The following ASMTL variants were observed in gnomAD, a reference collection of about 807,000 sequenced individuals.
ASMTL encodes the protein acetylserotonin O-methyltransferase like.
In ASMTL, 57 loss-of-function variants were observed where a neutral mutation model predicts 60.3. The ratio of observed to expected loss-of-function variants is 0.95; its 90% CI spans 0.76 to 1.18. The LOEUF (loss-of-function observed/expected upper bound fraction) is 1.18. Ranked by LOEUF, ASMTL falls within the 50% of genes most tolerant of loss-of-function variation. ASMTL has a pLI of 0.00. For missense variants in ASMTL, 981 were observed against 852.6 expected (o/e 1.15, Z -1.88); for synonymous variants, 419 against 373.0 (o/e 1.12, Z -1.42).
chrX:1,445,899 C>T (rs189334011), intron 1 of ASMTL, among the ~76,000 whole-genome samples: 76 of 152,134 alleles, frequency 5.0e-4, no homozygotes, highest in African/African-American at 1.7e-3. Context: ...TATGCCCAGA[C>T]GGGGTCACCA....
At chrX:1,431,445 CAG>C (rs2090785308) in intron 6 of ASMTL, among the ~76,000 whole-genome samples, 2 of 134,676 alleles carry the variant, frequency 1.5e-5, no homozygotes, top group African/African-American at 5.5e-5. Flanking sequence ...TCTATTATAA[CAG>C]TATATATTAT....
chrX:1,426,695 G>A (rs1265114395), intron 7 of ASMTL, among the ~76,000 whole-genome samples: 1 of 152,164 alleles, frequency 6.6e-6, no homozygotes, highest in African/African-American at 2.4e-5. Context: ...TCTACTAAAA[G>A]TACAAAAATT....
chrX:1,414,266 T>G (rs1347095952), intron 11 of ASMTL, among the ~76,000 whole-genome samples: 1 of 152,114 alleles, frequency 6.6e-6, no homozygotes, highest in Non-Finnish European at 1.5e-5. Flanking sequence ...TGCCTTGATC[T>G]CAGACCTCCG....
rs1332452982 is a variant in ASMTL at position 1,407,275 on chromosome X, A to AGATG, written c.1646-3790_1646-3787dup. ...GGATGGATAGATGGATGCATGGATG[A>AGATG]GATGGATGGATGGCTGAATAGATGG... is the stretch of plus-strand genomic sequence containing the variant. On this transcript the variant is annotated intron_variant, in intron 12 of 12. Coordinates refer to ENST00000381317, the MANE Select transcript of ASMTL (RefSeq NM_004192.4). Among the ~76,000 whole-genome samples the AGATG allele has an allele frequency of 2.0e-5, 3 of 150,008 alleles. No individual in the cohort carries two copies. The East Asian group carries it at 5.9e-4, about 29-fold the overall frequency.
chrX:1,426,368 C>T (rs1330104270), intron 7 of ASMTL, among the ~76,000 whole-genome samples: 1 of 152,160 alleles, frequency 6.6e-6, no homozygotes, highest in Non-Finnish European at 1.5e-5. Flanking sequence ...TGCATGTTCT[C>T]TCTCCTGATG....
In ASMTL at chrX:1,403,404, C is replaced by T; in HGVS notation, c.1731G>A (p.Leu577=). The T allele has an allele frequency of 6.2e-7, 1 of 1,613,462 alleles. No individual in the cohort carries two copies. The highest frequency in any genetic ancestry group is 8.5e-7 in the Non-Finnish European group (1 of 1,179,856). Reference sequence around the variant, plus strand: ...TCCGCTCCTTGCCTTCAGTCTGCACCAGCATGTTCAGTGACTGCATCAGGG... The same window carrying T: ...TCCGCTCCTTGCCTTCAGTCTGCACTAGCATGTTCAGTGACTGCATCAGGG... ...QRALMQSLNM[L]VQTEGKERSL... is the part of the protein sequence containing the mutation. Residue 577 remains leucine, a synonymous_variant, in exon 13 of 13, where the codon CTG becomes CTA. Coordinates refer to ENST00000381317, the MANE Select transcript of ASMTL (RefSeq NM_004192.4).
chrX:1,442,157 A>C, intron 2 of ASMTL, 29 bp downstream of exon 2: 3 of 1,607,658 alleles, frequency 1.9e-6, no homozygotes, highest in Non-Finnish European at 2.5e-6. Context: ...AGGAATTTTC[A>C]TAAGGGCCGA....
At position 1,421,818 on chromosome X, in the gene ASMTL, T is replaced by C. The variant is rs770646479; in HGVS notation, c.1085A>G (p.Asn362Ser). 1.2e-5 allele frequency: 19 copies of C among 1,613,716 alleles called. No individual in the cohort carries two copies. Among genetic ancestry groups the C allele is most frequent in the Admixed American group, 1.2e-4 (7 of 59,966 alleles). ...EQGYSNTETA[N>S]VYLASDGEYS... ...TTCGCCATCCGATGCCAGGTAGACG[T>C]TCGCTGTCTCTGTGTTACTGTAACC... The change falls in exon 9 of 13, where the codon AAC becomes AGC. Residue 362 changes from asparagine to serine, a missense_variant. Coordinates refer to ENST00000381317, the MANE Select transcript of ASMTL (RefSeq NM_004192.4).
chrX:1,424,344 C>T (rs1200278346), intron 8 of ASMTL, among the ~76,000 whole-genome samples: 2 of 104,988 alleles, frequency 1.9e-5, no homozygotes, highest in Non-Finnish European at 4.3e-5. Context: ...ACCCAACCAC[C>T]GATCCACTGA....
chrX:1,415,181 T>G (rs370566290), intron 11 of ASMTL, among the ~76,000 whole-genome samples: 1 of 31,706 alleles, frequency 3.2e-5, no homozygotes, highest in Admixed American at 3.5e-4. Context: ...CCTCAGGTGA[T>G]CCACCCGCCT....
At chrX:1,444,909 A>C (rs1271580938) in intron 1 of ASMTL, among the ~76,000 whole-genome samples, 5 of 152,176 alleles carry the variant, frequency 3.3e-5, no homozygotes, top group Non-Finnish European at 5.9e-5. Flanking sequence ...CTCAGGTCTC[A>C]GAAATCCACC....
chrX:1,415,966 CACTG>C (rs1249484196), intron 11 of ASMTL, among the ~76,000 whole-genome samples: 1 of 151,898 alleles, frequency 6.6e-6, no homozygotes, highest in Non-Finnish European at 1.5e-5. Context: ...GACACAGATA[CACTG>C]ACAGGTACAC....
At chrX:1,415,279 C>T (rs1369716733) in intron 11 of ASMTL, among the ~76,000 whole-genome samples, 2 of 151,772 alleles carry the variant, frequency 1.3e-5, no homozygotes, top group Non-Finnish European at 2.9e-5. Context: ...TCCTTCAAGT[C>T]TAACCTAAGG....
chrX:1,416,464 C>CAT (rs2090270121), intron 11 of ASMTL, among the ~76,000 whole-genome samples: 1 of 151,332 alleles, frequency 6.6e-6, no homozygotes, highest in African/African-American at 2.4e-5. Context: ...GATGGACACG[C>CAT]AGACACACAT....
chrX:1,425,053 CATCCATCT>C (rs1434258987), intron 8 of ASMTL, among the ~76,000 whole-genome samples: 16 of 150,174 alleles, frequency 1.1e-4, no homozygotes, highest in African/African-American at 3.7e-4. Flanking sequence ...ACCATCCATC[CATCCATCT>C]ATCCATCCAT....
intron 3 of ASMTL, among the ~76,000 whole-genome samples, chrX:1,437,945 G>A (rs1292705058): frequency 6.6e-6 from 1 of 151,156 alleles, no homozygotes; most frequent in Non-Finnish European, 1.5e-5. Flanking sequence ...ATTAAGATGC[G>A]GTTGGACAGA....
At position 1,428,107 on chromosome X, in the gene ASMTL, C is replaced by T. The variant is rs375620107; in HGVS notation, c.524G>A (p.Gly175Asp). ...GCCGCCCAGGGCCTGGATCCCGTAG[C>T]CGCCAGCTTTGTCCCTGGGTGGGCA... ...HSGEPMDKAGGYGIQALGGML... is the reference protein window; with the variant it reads ...HSGEPMDKAGDYGIQALGGML... The change falls in exon 7 of 13, where the codon GGC becomes GAC. Residue 175 changes from glycine to aspartate, a missense_variant. Physicochemically the swap from Gly to Asp is moderately conservative, Grantham distance 94. Transcript: ENST00000381317. 2.2e-5 allele frequency: 36 copies of T among 1,604,360 alleles called. No individual in the cohort carries two copies. Among genetic ancestry groups the T allele is most frequent in the Non-Finnish European group, 2.9e-5 (34 of 1,172,600 alleles).
intron 12 of ASMTL, among the ~76,000 whole-genome samples, chrX:1,408,076 TGG>T (rs1375926680): frequency 1.6e-4 from 24 of 151,246 alleles, no homozygotes; most frequent in African/African-American, 5.6e-4. Flanking sequence ...TAACAAATGC[TGG>T]TACTCCCAAA....
rs536802259 is a variant in ASMTL at position 1,421,717 on chromosome X, G to A, written c.1186C>T (p.Arg396Ter). The A allele has an allele frequency of 1.7e-5, 27 of 1,613,830 alleles. No individual in the cohort carries two copies. Among genetic ancestry groups the A allele is most frequent in the East Asian group, 4.5e-5 (2 of 44,872 alleles). ...CTGTGGTGCTGGTTTGTTCCCTCTC[G>A]GATGGCAAACTCCAGGTATGTAAAG... ...NLFTYLEFAI[R>*]EGTNQHHRAL... Residue 396 changes from arginine (R) to a stop codon, truncating the protein, a stop_gained, in exon 9 of 13, where the codon CGA becomes TGA. Transcript: ENST00000381317. LOFTEE classifies it high-confidence loss of function.
Sources: gnomAD v4.1 joint callset for allele counts (sites outside exome capture counted in the v4.1 genomes callset) on GRCh38, gnomAD v4.1.1 for gene constraint, MANE v1.5 for transcripts, NCBI Gene and HGNC (gene_info 2026-07-23, HGNC 2026-07-21) for gene names.